The following PDE3B variants were observed in gnomAD, a reference collection of about 807,000 sequenced individuals.
PDE3B encodes phosphodiesterase 3B, also known as cGMP-inhibited 3',5'-cyclic phosphodiesterase 3B.
PDE3B carries 66 observed loss-of-function variants against 116.8 expected under a neutral mutation model. That is an observed-to-expected ratio of 0.56 (90% CI 0.46 to 0.69). The LOEUF (loss-of-function observed/expected upper bound fraction) is 0.69, where lower values mean the gene tolerates loss of function less well. PDE3B is among the 30% of genes least tolerant of loss of function. The pLI is 0.00. For synonymous variants in PDE3B, 595 were observed against 533.6 expected, an observed-to-expected ratio of 1.12 and a Z score of -1.59; for missense variants, 1,384 against 1,368.1, an observed-to-expected ratio of 1.01 and a Z score of -0.18.
chr11:14,700,447 T>C (rs1855330670), intron 1 of PDE3B, among the ~76,000 whole-genome samples: 1 of 151,420 alleles, frequency 6.6e-6, no homozygotes, highest in East Asian at 1.9e-4. Context: ...ATTTGAGTGC[T>C]AAATTACTTA....
intron 1 of PDE3B, among the ~76,000 whole-genome samples, chr11:14,749,078 G>A (rs1424376199): frequency 6.6e-6 from 1 of 151,874 alleles, no homozygotes; most frequent in Non-Finnish European, 1.5e-5. Flanking sequence ...TAGTAGATTC[G>A]GGGTTTTGCC....
chr11:14,847,334 C>G (rs1221701730), intron 12 of PDE3B, among the ~76,000 whole-genome samples: 1 of 151,020 alleles, frequency 6.6e-6, no homozygotes, highest in African/African-American at 2.4e-5. Context: ...GGGACACATT[C>G]AAAGCAGTGT....
At chr11:14,827,001 A>G (rs2133958389) in intron 7 of PDE3B, among the ~76,000 whole-genome samples, 1 of 152,368 alleles carries the variant, frequency 6.6e-6, no homozygotes, top group South Asian at 2.1e-4. Flanking sequence ...CCTAGGTTGC[A>G]AGTTTGGTTC....
chr11:14,791,395 G>T (rs935844858), intron 4 of PDE3B, among the ~76,000 whole-genome samples: 2 of 151,942 alleles, frequency 1.3e-5, no homozygotes, highest in African/African-American at 4.8e-5. Flanking sequence ...CATCATTCCA[G>T]CTGCTTTTTT....
At chr11:14,712,863 ATCC>A (rs1324542526) in intron 1 of PDE3B, among the ~76,000 whole-genome samples, 2 of 152,306 alleles carry the variant, frequency 1.3e-5, no homozygotes, top group Non-Finnish European at 2.9e-5. Flanking sequence ...TTAAATACAA[ATCC>A]TCCTACTGAT....
intron 4 of PDE3B, among the ~76,000 whole-genome samples, chr11:14,791,228 CTT>C (rs1032024108): frequency 1.3e-5 from 2 of 152,056 alleles, no homozygotes; most frequent in African/African-American, 4.8e-5. Context: ...CTGAAATCAT[CTT>C]GACTTTATAT....
intron 10 of PDE3B, among the ~76,000 whole-genome samples, chr11:14,834,089 C>G (rs1445909807): frequency 6.6e-6 from 1 of 152,124 alleles, no homozygotes; most frequent in Non-Finnish European, 1.5e-5. Flanking sequence ...GAATTCATGA[C>G]ACTTAGTAAA....
At chr11:14,731,482 T>A (rs1421360236) in intron 1 of PDE3B, among the ~76,000 whole-genome samples, 6 of 151,976 alleles carry the variant, frequency 3.9e-5, no homozygotes, top group African/African-American at 1.5e-4. Context: ...ATGGTCTCGA[T>A]CTCCTGACCT....
chr11:14,879,837 G>C, the PDE3B span, among the ~76,000 whole-genome samples: 3 of 152,198 alleles, frequency 2.0e-5, no homozygotes, highest in South Asian at 6.2e-4. Flanking sequence ...AAATAGTAAA[G>C]CATAAAATTA....
At chr11:14,735,573 C>G (rs1856573671) in intron 1 of PDE3B, among the ~76,000 whole-genome samples, 1 of 152,172 alleles carries the variant, frequency 6.6e-6, no homozygotes, top group Non-Finnish European at 1.5e-5. Context: ...TAATTATCCA[C>G]CACTGCACCT....
chr11:14,767,577 T>C (rs1857530547), intron 1 of PDE3B, among the ~76,000 whole-genome samples: 1 of 151,584 alleles, frequency 6.6e-6, no homozygotes, highest in East Asian at 1.9e-4. Context: ...TTAAAAGATA[T>C]AAATAATATT....
chr11:14,760,095 C>T (rs1225176879), intron 1 of PDE3B, among the ~76,000 whole-genome samples: 1 of 151,902 alleles, frequency 6.6e-6, no homozygotes, highest in Non-Finnish European at 1.5e-5. Context: ...GTTAGAGAAA[C>T]CACAGTATGA....
chr11:14,724,453 C>T (rs1856221851), intron 1 of PDE3B, among the ~76,000 whole-genome samples: 1 of 152,106 alleles, frequency 6.6e-6, no homozygotes, highest in South Asian at 2.1e-4. Context: ...ATCAGAAATG[C>T]TCCAAAATCT....
intron 2 of PDE3B, among the ~76,000 whole-genome samples, chr11:14,783,706 A>T (rs1233697205): frequency 6.6e-6 from 1 of 152,142 alleles, no homozygotes; most frequent in Non-Finnish European, 1.5e-5. Flanking sequence ...GCACATGTAT[A>T]CATATGTAAC....
intron 13 of PDE3B, 144 bp downstream of exon 13, chr11:14,859,390 T>C (rs1847906661): frequency 2.0e-6 from 1 of 493,784 alleles, no homozygotes; most frequent in Non-Finnish European, 3.5e-6. Context: ...TATATGCCTA[T>C]ATTTTTAAAA....
chr11:14,664,069 T>C (rs1854035904), intron 1 of PDE3B, among the ~76,000 whole-genome samples: 1 of 152,212 alleles, frequency 6.6e-6, no homozygotes, highest in Non-Finnish European at 1.5e-5. Flanking sequence ...AAGCTGTCTC[T>C]CAGACCACAG....
chr11:14,759,932 A>G (rs536512005), intron 1 of PDE3B, among the ~76,000 whole-genome samples: 2 of 152,152 alleles, frequency 1.3e-5, no homozygotes, highest in African/African-American at 4.8e-5. Flanking sequence ...ATGCATTGCT[A>G]TTGTTTATCA....
chr11:14,647,896 A>G (rs1231906701), intron 1 of PDE3B, among the ~76,000 whole-genome samples: 1 of 151,110 alleles, frequency 6.6e-6, no homozygotes, highest in Non-Finnish European at 1.5e-5. Flanking sequence ...TTTAAATGCT[A>G]TATATGTATC....
chr11:14,709,005 C>T (rs1409811727), intron 1 of PDE3B, among the ~76,000 whole-genome samples: 4 of 151,996 alleles, frequency 2.6e-5, no homozygotes, highest in Admixed American at 6.6e-5. Flanking sequence ...ATCTCATTGT[C>T]AGAAATACTA....
Sources: gnomAD v4.1 joint callset for allele counts (sites outside exome capture counted in the v4.1 genomes callset) on GRCh38, gnomAD v4.1.1 for gene constraint, MANE v1.5 for transcripts, NCBI Gene and HGNC (gene_info 2026-07-23, HGNC 2026-07-21) for gene names.